The following ZNF512 variants were observed in gnomAD, a reference collection of about 807,000 sequenced individuals.
ZNF512 encodes the protein zinc finger protein 512.
In ZNF512, 25 loss-of-function variants were observed where a neutral mutation model predicts 77.5. The ratio of observed to expected loss-of-function variants is 0.32; its 90% CI spans 0.23 to 0.45. The LOEUF (loss-of-function observed/expected upper bound fraction) is 0.45, where lower values mean the gene tolerates loss of function less well. Ranked by LOEUF, ZNF512 falls within the 20% of genes least tolerant of loss-of-function variation. The pLI, the probability that ZNF512 is intolerant of heterozygous loss-of-function variation, is 1.00. For synonymous variants in ZNF512, 246 were observed against 239.9 expected, an observed-to-expected ratio of 1.03 and a Z score of -0.24; for missense variants, 483 against 692.6, an observed-to-expected ratio of 0.70 and a Z score of 3.40.
At chr2:27,614,539 A>G in intron 10 of ZNF512, among the ~76,000 whole-genome samples, 1 of 152,174 alleles carries the variant, frequency 6.6e-6, no homozygotes, top group South Asian at 2.1e-4. Flanking sequence ...AAATGATTCA[A>G]AATCCTACCA....
chr2:27,601,912 G>A (rs1166928947), intron 7 of ZNF512, among the ~76,000 whole-genome samples: 1 of 152,188 alleles, frequency 6.6e-6, no homozygotes, highest in African/African-American at 2.4e-5. Flanking sequence ...GCCTCCTAAA[G>A]TGCTGGGATT....
chr2:27,598,223 A>G lies in ZNF512; in HGVS notation c.246A>G (p.Arg82=). ...RKSTYWMKMR[R]IKPAATSHVE... ...CTACCTACTGGATGAAGATGAGAAGAATCAAGCCAGCTGCTACTTCTCATG... is the reference window on the plus strand; with the variant it reads ...CTACCTACTGGATGAAGATGAGAAGGATCAAGCCAGCTGCTACTTCTCATG... Residue 82 remains arginine, a synonymous_variant, in exon 3 of 14, where the codon AGA becomes AGG. Transcript: ENST00000355467. 6.2e-7 allele frequency: 1 copy of G among 1,613,664 alleles called. No individual in the cohort carries two copies. Among genetic ancestry groups the G allele is most frequent in the East Asian group, 2.2e-5 (1 of 44,876 alleles).
intron 2 of ZNF512, among the ~76,000 whole-genome samples, chr2:27,588,551 C>G (rs1572903618): frequency 6.6e-6 from 1 of 152,110 alleles, no homozygotes; most frequent in Non-Finnish European, 1.5e-5. Context: ...GCCTTGGCAT[C>G]TTTGTCAAAC....
intron 9 of ZNF512, among the ~76,000 whole-genome samples, chr2:27,604,633 A>G (rs1672277570): frequency 6.6e-6 from 1 of 152,074 alleles, no homozygotes; most frequent in Admixed American, 6.5e-5. Flanking sequence ...ATGAAAAAAT[A>G]AGCCAGGCAT....
chr2:27,613,357 A>G (rs960362169), intron 10 of ZNF512, among the ~76,000 whole-genome samples: 1 of 151,982 alleles, frequency 6.6e-6, no homozygotes, highest in Non-Finnish European at 1.5e-5. Flanking sequence ...TTAGCTGGGC[A>G]TGGTGGCGCA....
chr2:27,612,346 A>G (rs1315648418), intron 10 of ZNF512, among the ~76,000 whole-genome samples: 3 of 151,926 alleles, frequency 2.0e-5, no homozygotes, highest in African/African-American at 7.3e-5. Flanking sequence ...CCATTTCTCT[A>G]AGGAATCCTG....
intron 1 of ZNF512, 111 bp from the exon 2 acceptor site, chr2:27,583,547 A>T (rs1180570545): frequency 1.3e-6 from 2 of 1,533,110 alleles, no homozygotes; most frequent in Non-Finnish European, 8.7e-7. Context: ...CTTGTGTTTG[A>T]GGTGGTTTCC....
chr2:27,604,128 T>C (rs888726325), intron 9 of ZNF512, among the ~76,000 whole-genome samples: 1 of 152,068 alleles, frequency 6.6e-6, no homozygotes, highest in African/African-American at 2.4e-5. Flanking sequence ...GGTTTCACCA[T>C]GTTGGCCAGG....
intron 7 of ZNF512, among the ~76,000 whole-genome samples, chr2:27,601,644 T>TTTTG (rs1672119304): frequency 1.3e-5 from 2 of 150,806 alleles, no homozygotes; most frequent in Non-Finnish European, 2.9e-5. Flanking sequence ...TGGCTAATTT[T>TTTTG]TTTTGTTTTG....
intron 9 of ZNF512, among the ~76,000 whole-genome samples, chr2:27,604,702 G>T (rs1672279132): frequency 6.6e-6 from 1 of 152,124 alleles, no homozygotes; most frequent in Non-Finnish European, 1.5e-5. Context: ...GATCACTTGA[G>T]CCCAGAAGGT....
chr2:27,583,221 C>G (rs1671189896), intron 1 of ZNF512, 79 bp downstream of exon 1: 1 of 1,601,458 alleles, frequency 6.2e-7, no homozygotes, highest in Non-Finnish European at 8.6e-7. Context: ...GCTTTTGTCC[C>G]ATGCTGAGTT....
intron 12 of ZNF512, 138 bp from the exon 13 acceptor site, chr2:27,617,335 T>C (rs1672925070): frequency 1.6e-6 from 1 of 612,474 alleles, no homozygotes; most frequent in African/African-American, 1.9e-5. Context: ...CCTAAATCTA[T>C]TACTATATTG....
intron 10 of ZNF512, among the ~76,000 whole-genome samples, chr2:27,608,442 A>G (rs1323788358): frequency 6.6e-6 from 1 of 152,210 alleles, no homozygotes; most frequent in Non-Finnish European, 1.5e-5. Flanking sequence ...AAACACCAGT[A>G]TATAAAATAA....
chr2:27,602,617 C>CGTTCTT (rs1572919905), intron 8 of ZNF512, 56 bp downstream of exon 8: 1 of 1,477,014 alleles, frequency 6.8e-7, no homozygotes, highest in Non-Finnish European at 9.2e-7. Flanking sequence ...CAATGTCTTT[C>CGTTCTT]GTTCTTCTTT....
At chr2:27,596,016 A>G (rs1671852939) in intron 2 of ZNF512, among the ~76,000 whole-genome samples, 2 of 151,142 alleles carry the variant, frequency 1.3e-5, no homozygotes, top group Non-Finnish European at 3.0e-5. Flanking sequence ...TTTGGGTCCT[A>G]TTATAATTCT....
At chr2:27,600,553 C>A in intron 5 of ZNF512, 138 bp from the exon 6 acceptor site, 1 of 940,618 alleles carries the variant, frequency 1.1e-6, no homozygotes, top group Non-Finnish European at 1.6e-6. Context: ...GAAGTTATAC[C>A]CAGCAAGAGC....
At chr2:27,583,258 C>CGGCCT (rs1312305219) in intron 1 of ZNF512, 116 bp downstream of exon 1, 1 of 1,474,698 alleles carries the variant, frequency 6.8e-7, no homozygotes, top group African/African-American at 1.4e-5. Flanking sequence ...ATCGTAGGCC[C>CGGCCT]CACCCTTCTA....
intron 13 of ZNF512, among the ~76,000 whole-genome samples, chr2:27,619,386 G>C (rs1276217009): frequency 6.6e-6 from 1 of 151,832 alleles, no homozygotes; most frequent in African/African-American, 2.4e-5. Context: ...CTGGGCAACA[G>C]AGCAAGACTC....
rs552987969 is a variant in ZNF512, at chr2:27,586,106, C to G, written c.89+2390C>G. ...TTATTCATAAGAGGGTATATGGGTA[C>G]TGTATTTCTGAGTCCTACACTGATA... On this transcript the variant is annotated intron_variant, in intron 2 of 13. Transcript: ENST00000355467. Among the ~76,000 whole-genome samples, 8 of 152,202 alleles carry G rather than the reference C, an allele frequency of 5.3e-5. No individual in the cohort carries two copies. The South Asian group carries it at 1.5e-3, about 28-fold the overall frequency.
Sources: gnomAD v4.1 joint callset for allele counts (sites outside exome capture counted in the v4.1 genomes callset) on GRCh38, gnomAD v4.1.1 for gene constraint, MANE v1.5 for transcripts, NCBI Gene and HGNC (gene_info 2026-07-23, HGNC 2026-07-21) for gene names.